MLLT10: variants seen among roughly 807,000 people sequenced by gnomAD.
The protein encoded by MLLT10 is protein AF-10.
In MLLT10, 30 loss-of-function variants were observed where a neutral mutation model predicts 129.1. The ratio of observed to expected loss-of-function variants is 0.23; its 90% confidence interval spans 0.17 to 0.32. The LOEUF (loss-of-function observed/expected upper bound fraction) is 0.32, where lower values mean the gene tolerates loss of function less well. Ranked by LOEUF, MLLT10 falls within the 10% of genes least tolerant of loss-of-function variation. The probability of loss-of-function intolerance (pLI) is 1.00; values close to 1 mark genes in which losing one functional copy is unlikely to be tolerated. For synonymous variants in MLLT10, 490 were observed against 446.4 expected (o/e 1.10, Z -1.23); for missense variants, 1,119 against 1,268.3 (o/e 0.88, Z 1.79).
At chr10:21,592,821 T>C (rs970605855) in intron 4 of MLLT10, among the ~76,000 whole-genome samples, 1 of 152,194 alleles carries the variant, frequency 6.6e-6, no homozygotes, top group African/African-American at 2.4e-5. Context: ...TGATTTATAG[T>C]GGTTCTTCAG....
At chr10:21,741,184 C>G (rs1564763963) in intron 22 of MLLT10, among the ~76,000 whole-genome samples, 1 of 152,222 alleles carries the variant, frequency 6.6e-6, no homozygotes, top group East Asian at 1.9e-4. Flanking sequence ...CGCCTACTTC[C>G]TGTCATCACA....
At chr10:21,656,810 T>C (rs2049633980) in intron 9 of MLLT10, among the ~76,000 whole-genome samples, 1 of 152,192 alleles carries the variant, frequency 6.6e-6, no homozygotes, top group Non-Finnish European at 1.5e-5. Context: ...CTAAGATTGT[T>C]ATCAGAGGGA....
intron 13 of MLLT10, among the ~76,000 whole-genome samples, chr10:21,689,116 C>G (rs1488372143): frequency 6.6e-6 from 1 of 151,986 alleles, no homozygotes; most frequent in East Asian, 1.9e-4. Flanking sequence ...TGGCACTTTC[C>G]TTCTTGAGAC....
chr10:21,688,163 A>G (rs1177170910), intron 13 of MLLT10, among the ~76,000 whole-genome samples: 1 of 151,914 alleles, frequency 6.6e-6, no homozygotes, highest in Non-Finnish European at 1.5e-5. Context: ...GTTAACTTTT[A>G]TAATGGAAAA....
At chr10:21,586,107 T>C (rs1437202235) in intron 3 of MLLT10, among the ~76,000 whole-genome samples, 187 bp from the exon 4 acceptor site, 1 of 152,172 alleles carries the variant, frequency 6.6e-6, no homozygotes, top group Non-Finnish European at 1.5e-5. Context: ...AAAAATTACT[T>C]GTCCTCTGAA....
chr10:21,555,675 ATT>A (rs748016694), intron 3 of MLLT10, among the ~76,000 whole-genome samples: 16 of 132,734 alleles, frequency 1.2e-4, no homozygotes, highest in Admixed American at 2.3e-4. Context: ...ATGTAAGACA[ATT>A]TTTTTTTTTT....
chr10:21,708,326 G>A (rs1361387390), intron 13 of MLLT10, among the ~76,000 whole-genome samples: 1 of 152,174 alleles, frequency 6.6e-6, no homozygotes, highest in African/African-American at 2.4e-5. Flanking sequence ...ATTTAGCTCT[G>A]TTTAATTCAA....
intron 3 of MLLT10, among the ~76,000 whole-genome samples, chr10:21,585,201 G>A (rs1180233122): frequency 1.3e-5 from 2 of 152,034 alleles, no homozygotes; most frequent in Non-Finnish European, 2.9e-5. Flanking sequence ...TGGGATTACA[G>A]GTGTGATCCA....
At chr10:21,683,156 C>T (rs2052919831) in intron 13 of MLLT10, among the ~76,000 whole-genome samples, 1 of 152,132 alleles carries the variant, frequency 6.6e-6, no homozygotes, top group Non-Finnish European at 1.5e-5. Flanking sequence ...CAACAAGAGA[C>T]TAATGGCATA....
intron 13 of MLLT10, among the ~76,000 whole-genome samples, chr10:21,710,841 T>C (rs1300808039): frequency 2.0e-5 from 3 of 152,250 alleles, no homozygotes; most frequent in Non-Finnish European, 4.4e-5. Context: ...ATTTACCTCA[T>C]TGAGTTCTTA....
chr10:21,568,617 GTTATT>G (rs1308332129), intron 3 of MLLT10, among the ~76,000 whole-genome samples: 1 of 151,716 alleles, frequency 6.6e-6, no homozygotes, highest in Admixed American at 6.6e-5. Flanking sequence ...TTACCCCTTG[GTTATT>G]TTATTTTATT....
At chr10:21,689,703 T>C (rs1006671398) in intron 13 of MLLT10, among the ~76,000 whole-genome samples, 2 of 148,436 alleles carry the variant, frequency 1.3e-5, no homozygotes, top group Non-Finnish European at 3.0e-5. Context: ...GATACTGATA[T>C]TTGATATGAA....
intron 16 of MLLT10, among the ~76,000 whole-genome samples, chr10:21,730,444 TTTAG>T (rs1284685072): frequency 1.3e-5 from 2 of 152,324 alleles, no homozygotes; most frequent in South Asian, 4.1e-4. Flanking sequence ...CATTTGAGAT[TTTAG>T]TTGGTTGTAA....
Position 21,556,544 on chromosome 10 carries a change from C to A in MLLT10, c.240+17632C>A, listed in dbSNP as rs1458647460. 9 of 824,502 alleles carry A rather than the reference C, an allele frequency of 1.1e-5. No homozygotes were observed. The Admixed American group carries it at 2.2e-4, about 20-fold the overall frequency. The allele number at this position is 824,502 out of a possible 1,614,324, so 51.1% of individuals were successfully genotyped here. A position where few individuals can be genotyped will look rare whatever the true frequency, so the allele number is the denominator to read the frequency against. The stretch of plus-strand genomic sequence containing the variant: ...CTGAGTGTAGATTTCTTCCATTTAC[C>A]CTCTCTAGGAAATTAAGCTTTGCAG... On this transcript the variant is annotated intron_variant, in intron 3 of 22. Transcript: ENST00000307729.
rs2058161094 is a variant in MLLT10, at chr10:21,734,108, T to C, written c.2837T>C (p.Met946Thr). The change falls in exon 20 of 23, where the codon ATG becomes ACG. Residue 946 changes from methionine (M) to threonine (T), a missense_variant. Around this residue, in one of 5 missense-constraint regions of MLLT10, gnomAD observed 1,004 missense variants for 1,008.7 expected, o/e 1.00. Coordinates refer to ENST00000307729, the MANE Select transcript of MLLT10 (RefSeq NM_001195626.3). ...TTVPPNATHP[M>T]PATLTNSASG... ...GTACCACCTAATGCAACACATCCAATGCCAGCTACACTGACTAACAGGTAA... is the reference window on the plus strand; with the variant it reads ...GTACCACCTAATGCAACACATCCAACGCCAGCTACACTGACTAACAGGTAA... 6.2e-7 allele frequency: 1 copy of C among 1,610,938 alleles called. No homozygotes were observed. The highest frequency in any genetic ancestry group is 8.5e-7 in the Non-Finnish European group (1 of 1,178,076).
chr10:21,661,979 TTGAG>T (rs758391765), intron 9 of MLLT10, among the ~76,000 whole-genome samples: 5 of 152,174 alleles, frequency 3.3e-5, no homozygotes, highest in African/African-American at 7.2e-5. Flanking sequence ...GTGGTTTTTA[TTGAG>T]TATTTTATAT....
chr10:21,605,057 C>G (rs1201976134), intron 5 of MLLT10, among the ~76,000 whole-genome samples: 8 of 150,286 alleles, frequency 5.3e-5, no homozygotes, highest in African/African-American at 2.0e-4. Context: ...TCACTGCAGC[C>G]TAGGCAACAT....
chr10:21,692,776 C>T (rs1050131272), intron 13 of MLLT10, among the ~76,000 whole-genome samples: 11 of 152,098 alleles, frequency 7.2e-5, no homozygotes, highest in African/African-American at 2.4e-4. Context: ...CATGAGCCGC[C>T]ACACCTGGCC....
At chr10:21,618,520 A>T (rs535409863) in intron 8 of MLLT10, among the ~76,000 whole-genome samples, 15 of 152,106 alleles carry the variant, frequency 9.9e-5, no homozygotes, top group Admixed American at 5.2e-4. Flanking sequence ...GAAAAAAAAA[A>T]TTTTTGGTTT....
Sources: allele counts gnomAD v4.1 joint callset (sites outside exome capture counted in the v4.1 genomes callset), GRCh38; gene constraint gnomAD v4.1.1; regional missense constraint gnomAD v4.1.1; transcripts MANE v1.5; gene names NCBI Gene and HGNC (gene_info 2026-07-23, HGNC 2026-07-21).